UBE3D: variants seen among roughly 807,000 people sequenced by gnomAD.
UBE3D encodes the protein E3 ubiquitin-protein ligase E3D.
A neutral mutation model predicts 49.6 loss-of-function variants in UBE3D; 48 were observed. That is an observed-to-expected ratio of 0.97 (90% confidence interval 0.77 to 1.23). The LOEUF is 1.23. Among genes scored for constraint, UBE3D ranks in the 50% most tolerant of loss-of-function variants. The pLI is 0.00. For synonymous variants in UBE3D, 189 were observed against 174.2 expected (o/e 1.08, Z -0.67); for missense variants, 452 against 468.4 (o/e 0.96, Z 0.32).
intron 3 of UBE3D, among the ~76,000 whole-genome samples, chr6:83,046,217 T>C (rs1004984364): frequency 6.6e-6 from 1 of 152,082 alleles, no homozygotes; most frequent in Non-Finnish European, 1.5e-5. Context: ...TTAAAACATT[T>C]AAAATGTGAA....
chr6:82,946,136 T>C (rs1775383883), intron 9 of UBE3D, among the ~76,000 whole-genome samples: 2 of 152,122 alleles, frequency 1.3e-5, no homozygotes, highest in African/African-American at 2.4e-5. Flanking sequence ...TAGAGAAAGA[T>C]ATCAATATCC....
chr6:82,997,740 A>T (rs1779345020), intron 8 of UBE3D, among the ~76,000 whole-genome samples: 1 of 152,096 alleles, frequency 6.6e-6, no homozygotes, highest in Admixed American at 6.6e-5. Flanking sequence ...GAAAAGAAAA[A>T]GGAAAACACA....
At chr6:83,025,487 CT>C (rs1781390215) in intron 5 of UBE3D, among the ~76,000 whole-genome samples, 3 of 151,668 alleles carry the variant, frequency 2.0e-5, no homozygotes, top group African/African-American at 7.3e-5. Flanking sequence ...AGGTGTACTG[CT>C]GGATACGCTT....
chr6:82,883,858 GTA>G, the UBE3D span, among the ~76,000 whole-genome samples: 1 of 152,146 alleles, frequency 6.6e-6, no homozygotes, highest in Non-Finnish European at 1.5e-5. Flanking sequence ...GCAAAAAAAA[GTA>G]ATTAAATTTT....
chr6:83,021,327 G>T (rs1282984295), intron 7 of UBE3D, among the ~76,000 whole-genome samples: 1 of 152,102 alleles, frequency 6.6e-6, no homozygotes, highest in Non-Finnish European at 1.5e-5. Context: ...TGGAGTCTCA[G>T]CTATTCAGAA....
At position 82,992,673 on chromosome 6, in the gene UBE3D, CT is replaced by C. The variant is rs142937901; in HGVS notation, c.1010+26299del. On this transcript the variant is annotated intron_variant, in intron 8 of 9. Coordinates refer to ENST00000369747, the MANE Select transcript of UBE3D (RefSeq NM_198920.3). ...TGTGGGAAATGGGCACTATGGGTCC[CT>C]GGCTGTGTGTGTATACTTGAATATC... Among the ~76,000 whole-genome samples the C allele has an allele frequency of 1.6e-3, 246 of 152,220 alleles. 2 individuals are homozygous for C. The highest frequency in any genetic ancestry group is 4.9e-3 in the African/African-American group (204 of 41,524).
chr6:82,958,378 A>C lies in UBE3D; in HGVS notation c.1011-928T>G, dbSNP rs1292397199. Among the ~76,000 whole-genome samples the C allele has an allele frequency of 2.0e-5, 3 of 152,300 alleles. No homozygotes were observed. In the South Asian group the frequency reaches 6.2e-4, roughly 32 times the overall value. ...CTAATTTTAAAGATATATGTATATA[A>C]TATTTATATTGGTTTATATAAATAT... On this transcript the variant is annotated intron_variant, in intron 8 of 9. Transcript: ENST00000369747.
intron 5 of UBE3D, among the ~76,000 whole-genome samples, chr6:83,032,464 T>C (rs1781948136): frequency 6.6e-6 from 1 of 152,248 alleles, no homozygotes; most frequent in African/African-American, 2.4e-5. Flanking sequence ...GTACCCCCAT[T>C]GTATCTAGGA....
chr6:82,914,846 T>C (rs546958530), intron 9 of UBE3D, among the ~76,000 whole-genome samples: 24 of 152,316 alleles, frequency 1.6e-4, no homozygotes, highest in African/African-American at 4.6e-4. Context: ...ATATGAGCGA[T>C]GAACTGAAGC....
At chr6:82,929,739 T>C (rs1774007721) in intron 9 of UBE3D, among the ~76,000 whole-genome samples, 1 of 152,144 alleles carries the variant, frequency 6.6e-6, no homozygotes, top group African/African-American at 2.4e-5. Context: ...TTTTAAGAAA[T>C]AGACTGTTTT....
At chr6:82,908,433 G>A (rs1291950526) in intron 9 of UBE3D, among the ~76,000 whole-genome samples, 1 of 152,104 alleles carries the variant, frequency 6.6e-6, no homozygotes, top group African/African-American at 2.4e-5. Flanking sequence ...GTCAATAGTT[G>A]GGTACAATGT....
intron 9 of UBE3D, among the ~76,000 whole-genome samples, chr6:82,946,688 TACA>T (rs570678451): frequency 1.8e-4 from 27 of 152,070 alleles, no homozygotes; most frequent in African/African-American, 6.5e-4. Flanking sequence ...CAAAAATAAC[TACA>T]ACAACTTTTC....
At chr6:82,893,855 A>G (rs1386184266) in intron 9 of UBE3D, 1 of 152,238 alleles carries the variant, frequency 6.6e-6, no homozygotes, top group Admixed American at 6.5e-5. Context: ...CCCCGAATGC[A>G]GTAAAAAGAG....
chr6:82,986,348 G>C (rs1002928806), intron 8 of UBE3D, among the ~76,000 whole-genome samples: 3 of 151,762 alleles, frequency 2.0e-5, no homozygotes, highest in Non-Finnish European at 4.4e-5. Context: ...GCACATGCCT[G>C]TAATCCGACC....
chr6:83,065,601 T>C (rs879232381), intron 1 of UBE3D, 41 bp downstream of exon 1: 4 of 1,603,064 alleles, frequency 2.5e-6, no homozygotes, highest in Non-Finnish European at 3.4e-6. Context: ...CGGGCAGCAG[T>C]AAAGCGAGCT....
chr6:82,983,793 G>A (rs1205757953), intron 8 of UBE3D, among the ~76,000 whole-genome samples: 2 of 152,120 alleles, frequency 1.3e-5, no homozygotes, highest in East Asian at 3.8e-4. Context: ...AAAGTTTTAA[G>A]ATGTTTTTGT....
At chr6:82,925,646 G>A (rs1004585996) in intron 9 of UBE3D, among the ~76,000 whole-genome samples, 1 of 152,122 alleles carries the variant, frequency 6.6e-6, no homozygotes, top group African/African-American at 2.4e-5. Context: ...TGGATGGCAT[G>A]TTGGGCTCTG....
Position 83,013,988 on chromosome 6 carries a change from T to C in UBE3D, c.1010+4985A>G, listed in dbSNP as rs368312970. On this transcript the variant is annotated intron_variant, in intron 8 of 9. Coordinates refer to ENST00000369747, the MANE Select transcript of UBE3D (RefSeq NM_198920.3). ...GAAAATAAAGGTATATTGCTGGCCTTGCCAGCTGAAGGCAAATTGCTTCTG... is the reference window on the plus strand; with the variant it reads ...GAAAATAAAGGTATATTGCTGGCCTCGCCAGCTGAAGGCAAATTGCTTCTG... Among the ~76,000 whole-genome samples, 465 of 152,344 alleles carry C rather than the reference T, an allele frequency of 3.1e-3. 24 individuals are homozygous for C. In the South Asian group the frequency reaches 0.093, roughly 30 times the overall value.
chr6:82,984,381 T>G (rs1472165668), intron 8 of UBE3D, among the ~76,000 whole-genome samples: 3 of 152,216 alleles, frequency 2.0e-5, no homozygotes, highest in Admixed American at 2.0e-4. Context: ...CGTATGCATG[T>G]GTCCTTTAAT....
Sources: gnomAD v4.1 joint callset for allele counts (sites outside exome capture counted in the v4.1 genomes callset) on GRCh38, gnomAD v4.1.1 for gene constraint, MANE v1.5 for transcripts, NCBI Gene and HGNC (gene_info 2026-07-23, HGNC 2026-07-21) for gene names.